The following RASEF variants were observed in gnomAD, a reference collection of about 807,000 sequenced individuals.
The protein encoded by RASEF is ras and EF-hand domain-containing protein.
In RASEF, 68 loss-of-function variants were observed where a neutral mutation model predicts 90.1. The ratio of observed to expected loss-of-function variants is 0.75; its 90% CI spans 0.62 to 0.92. The LOEUF is 0.92. RASEF is among the 40% of genes least tolerant of loss of function. RASEF has a pLI of 0.00. For synonymous variants in RASEF, 331 were observed against 345.2 expected (o/e 0.96, Z 0.46); for missense variants, 949 against 937.2 (o/e 1.01, Z -0.16).
At chr9:83,071,059 T>C in the RASEF span, among the ~76,000 whole-genome samples, 9 of 152,194 alleles carry the variant, frequency 5.9e-5, no homozygotes, top group Non-Finnish European at 1.0e-4. Flanking sequence ...ATGTCATCTA[T>C]GGGGAAGAAA....
chr9:83,129,595 T>C, the RASEF span, among the ~76,000 whole-genome samples: 1 of 152,220 alleles, frequency 6.6e-6, no homozygotes, highest in South Asian at 2.1e-4. Flanking sequence ...AAATAGAAGC[T>C]TCATCATTAG....
At chr9:83,167,945 A>C in the RASEF span, among the ~76,000 whole-genome samples, 1 of 152,146 alleles carries the variant, frequency 6.6e-6, no homozygotes, top group Non-Finnish European at 1.5e-5. Flanking sequence ...CTTTTTGGCT[A>C]ACAAGAATAA....
intron 14 of RASEF, 126 bp downstream of exon 14, chr9:82,996,886 C>T: frequency 3.2e-6 from 2 of 632,018 alleles, no homozygotes; most frequent in Admixed American, 2.5e-5. Context: ...GCATCCAATT[C>T]TTCCTGATGG....
chr9:83,199,224 TAAAAAAAAAAA>T, the RASEF span, among the ~76,000 whole-genome samples: 47,871 of 118,844 alleles, frequency 0.4, 10,120 homozygotes, highest in Middle Eastern at 0.57. Flanking sequence ...AGCCCTAATT[TAAAAAAAAAAA>T]AAAAAAAAAA....
chr9:83,193,548 T>A, the RASEF span, among the ~76,000 whole-genome samples: 1 of 152,216 alleles, frequency 6.6e-6, no homozygotes, highest in Non-Finnish European at 1.5e-5. Flanking sequence ...CTGGATCAAA[T>A]GGAACAGTGC....
At chr9:83,174,389 T>C in the RASEF span, among the ~76,000 whole-genome samples, 5 of 152,082 alleles carry the variant, frequency 3.3e-5, no homozygotes, top group Non-Finnish European at 7.4e-5. Flanking sequence ...TGTCATAGTG[T>C]CATTTATTTA....
At chr9:82,983,414 G>C (rs1377246724) in intron 16 of RASEF, among the ~76,000 whole-genome samples, 1 of 152,160 alleles carries the variant, frequency 6.6e-6, no homozygotes, top group African/African-American at 2.4e-5. Context: ...ACGAAAAAAT[G>C]TCTTACTCTC....
At chr9:82,984,008 T>G (rs1397691308) in intron 16 of RASEF, among the ~76,000 whole-genome samples, 1 of 152,194 alleles carries the variant, frequency 6.6e-6, no homozygotes, top group Admixed American at 6.5e-5. Flanking sequence ...AAAAATTGGT[T>G]GTTGTTTTGG....
the RASEF span, among the ~76,000 whole-genome samples, chr9:83,081,736 T>C: frequency 6.6e-6 from 1 of 152,136 alleles, no homozygotes; most frequent in Admixed American, 6.6e-5. Context: ...GAGGTACCAT[T>C]GCTCCGAGAG....
the RASEF span, among the ~76,000 whole-genome samples, chr9:83,146,412 CAT>C: frequency 6.6e-6 from 1 of 152,144 alleles, no homozygotes; most frequent in South Asian, 2.1e-4. Context: ...TACATACACA[CAT>C]ATGTCCCTTT....
chr9:83,129,087 T>C, the RASEF span, among the ~76,000 whole-genome samples: 1 of 152,196 alleles, frequency 6.6e-6, no homozygotes, highest in Non-Finnish European at 1.5e-5. Flanking sequence ...ATAAACTATA[T>C]ACTCCTTTGT....
At chr9:83,134,268 G>T in the RASEF span, among the ~76,000 whole-genome samples, 9 of 151,998 alleles carry the variant, frequency 5.9e-5, no homozygotes, top group Non-Finnish European at 1.2e-4. Flanking sequence ...ACATGGGATA[G>T]AAACTCATGT....
At chr9:83,149,385 C>G in the RASEF span, among the ~76,000 whole-genome samples, 1 of 152,138 alleles carries the variant, frequency 6.6e-6, no homozygotes, top group African/African-American at 2.4e-5. Context: ...CATTAGGGAG[C>G]TGGAGAAGGC....
At chr9:83,213,066 G>A in the RASEF span, among the ~76,000 whole-genome samples, 5 of 149,878 alleles carry the variant, frequency 3.3e-5, no homozygotes, top group African/African-American at 9.8e-5. Flanking sequence ...ACGATAAACC[G>A]GGAAACAATG....
intron 14 of RASEF, among the ~76,000 whole-genome samples, chr9:82,995,530 G>A (rs759532541): frequency 2.6e-5 from 4 of 151,968 alleles, no homozygotes; most frequent in African/African-American, 4.8e-5. Flanking sequence ...CTTCAGCCTC[G>A]ACCTCCTAGG....
the RASEF span, among the ~76,000 whole-genome samples, chr9:83,206,736 C>T: frequency 9.9e-5 from 15 of 152,202 alleles, no homozygotes; most frequent in Non-Finnish European, 1.2e-4. Context: ...CCAGTGGCCA[C>T]GTGACAGGTT....
At chr9:83,164,204 A>G in the RASEF span, among the ~76,000 whole-genome samples, 1 of 151,314 alleles carries the variant, frequency 6.6e-6, no homozygotes, top group African/African-American at 2.4e-5. Flanking sequence ...ATCTACATAA[A>G]GAAAGGATGA....
chr9:82,981,814 C>A lies in RASEF; in HGVS notation c.*863G>T, dbSNP rs897567445. ...AACCACTCCCTTAAGTGAAGAGTGACAACTTTCCTGGGCATTGTGCTTTCA... is the reference window on the plus strand; with the variant it reads ...AACCACTCCCTTAAGTGAAGAGTGAAAACTTTCCTGGGCATTGTGCTTTCA... On this transcript the variant is annotated 3_prime_UTR_variant, in exon 17 of 17. Coordinates refer to ENST00000376447, the MANE Select transcript of RASEF (RefSeq NM_152573.4). The A allele has an allele frequency of 6.6e-6, 1 of 152,204 alleles. No homozygotes were observed. The highest frequency in any genetic ancestry group is 2.4e-5 in the African/African-American group (1 of 41,438). 9.4% of individuals were successfully genotyped at this position (152,204 alleles called of 1,614,324 possible).
At chr9:82,991,596 A>G (rs1828815692) in intron 15 of RASEF, among the ~76,000 whole-genome samples, 1 of 152,178 alleles carries the variant, frequency 6.6e-6, no homozygotes, top group African/African-American at 2.4e-5. Context: ...TGGGACCTTT[A>G]CTCGTAAGCC....
Sources: allele counts gnomAD v4.1 joint callset (sites outside exome capture counted in the v4.1 genomes callset), GRCh38; gene constraint gnomAD v4.1.1; transcripts MANE v1.5; gene names NCBI Gene and HGNC (gene_info 2026-07-23, HGNC 2026-07-21).